ROBO2: variants seen among roughly 807,000 people sequenced by gnomAD.
ROBO2 encodes roundabout guidance receptor 2.
In ROBO2, 53 loss-of-function variants were observed where a neutral mutation model predicts 160.8. The observed-to-expected ratio is 0.33, with a 90% CI of 0.26 to 0.41. The LOEUF (loss-of-function observed/expected upper bound fraction) is 0.41. Among genes scored for constraint, ROBO2 ranks in the 10% least tolerant of loss-of-function variants. The pLI, the probability that ROBO2 is intolerant of heterozygous loss-of-function variation, is 1.00. For missense variants in ROBO2, 1,577 were observed against 1,722.4 expected, an observed-to-expected ratio of 0.92 and a Z score of 1.49; for synonymous variants, 664 against 611.7, an observed-to-expected ratio of 1.09 and a Z score of -1.26.
At chr3:76,735,786 A>ACAGGGG (rs1553886639) in intron 2 of ROBO2, among the ~76,000 whole-genome samples, 1 of 126,612 alleles carries the variant, frequency 7.9e-6, no homozygotes, top group Non-Finnish European at 1.6e-5. Context: ...GAAAAAAAAA[A>ACAGGGG]GGGGAAAGGG....
chr3:76,712,022 A>G (rs2093303628), intron 2 of ROBO2, among the ~76,000 whole-genome samples: 1 of 152,156 alleles, frequency 6.6e-6, no homozygotes, highest in Non-Finnish European at 1.5e-5. Flanking sequence ...TCCTCAATTT[A>G]CTTTTATAAT....
chr3:76,226,697 T>C (rs1207492097), intron 2 of ROBO2, among the ~76,000 whole-genome samples: 1 of 152,218 alleles, frequency 6.6e-6, no homozygotes. Context: ...ATTTCTCCTT[T>C]ACTTTTTCTT....
intron 2 of ROBO2, among the ~76,000 whole-genome samples, chr3:77,444,558 A>G (rs2080271603): frequency 6.6e-6 from 1 of 152,208 alleles, no homozygotes; most frequent in African/African-American, 2.4e-5. Flanking sequence ...AATTGAAACT[A>G]ATATTTTGCC....
intron 2 of ROBO2, among the ~76,000 whole-genome samples, chr3:76,958,035 C>T (rs547379567): frequency 1.3e-5 from 2 of 152,288 alleles, no homozygotes; most frequent in East Asian, 3.9e-4. Flanking sequence ...TGGGAACCTT[C>T]CTTCAAATGT....
At chr3:76,516,463 T>C (rs1410011219) in intron 2 of ROBO2, among the ~76,000 whole-genome samples, 1 of 152,126 alleles carries the variant, frequency 6.6e-6, no homozygotes, top group East Asian at 1.9e-4. Context: ...AGTTGTAGAT[T>C]CCCGTTTATT....
intron 2 of ROBO2, among the ~76,000 whole-genome samples, chr3:77,253,679 A>G (rs2090625806): frequency 6.6e-6 from 1 of 152,186 alleles, no homozygotes; most frequent in Admixed American, 6.5e-5. Context: ...AATGAGAAAT[A>G]CCAATAAATG....
At chr3:76,842,131 C>T (rs1314175331) in intron 2 of ROBO2, among the ~76,000 whole-genome samples, 1 of 152,064 alleles carries the variant, frequency 6.6e-6, no homozygotes, top group African/African-American at 2.4e-5. Flanking sequence ...ATCAATGACA[C>T]GATGGAAAAC....
At chr3:76,430,460 TTG>T (rs1242866906) in intron 2 of ROBO2, among the ~76,000 whole-genome samples, 3 of 151,956 alleles carry the variant, frequency 2.0e-5, no homozygotes, top group African/African-American at 7.2e-5. Flanking sequence ...TCCACAATCC[TTG>T]TGTTTTTTTA....
chr3:77,203,604 A>G (rs1363312101), intron 2 of ROBO2, among the ~76,000 whole-genome samples: 7 of 152,158 alleles, frequency 4.6e-5, no homozygotes, highest in Admixed American at 2.0e-4. Context: ...TTTTCAAGAA[A>G]CCAAATGCCA....
At chr3:76,649,964 C>G (rs1044460156) in intron 2 of ROBO2, among the ~76,000 whole-genome samples, 21 of 152,060 alleles carry the variant, frequency 1.4e-4, no homozygotes, top group Non-Finnish European at 2.5e-4. Flanking sequence ...TTATTTAAAT[C>G]GTGAATATTC....
intron 1 of ROBO2, among the ~76,000 whole-genome samples, chr3:77,059,568 G>A (rs147909118): frequency 1.3e-5 from 2 of 152,284 alleles, no homozygotes; most frequent in African/African-American, 4.8e-5. Flanking sequence ...GTTTCTGATT[G>A]TTAGTTTCTA....
At chr3:76,526,214 G>A (rs145987010) in intron 2 of ROBO2, among the ~76,000 whole-genome samples, 3 of 152,106 alleles carry the variant, frequency 2.0e-5, no homozygotes, top group Non-Finnish European at 4.4e-5. Context: ...GAAGCATAGC[G>A]GGGCCAGGGT....
intron 2 of ROBO2, among the ~76,000 whole-genome samples, chr3:76,878,106 A>G (rs994134325): frequency 1.3e-5 from 2 of 152,198 alleles, no homozygotes; most frequent in Non-Finnish European, 2.9e-5. Context: ...GTGTCGGAGT[A>G]TGATTCAGTC....
chr3:76,332,501 G>A (rs1169845640), intron 2 of ROBO2, among the ~76,000 whole-genome samples: 1 of 152,136 alleles, frequency 6.6e-6, no homozygotes, highest in Non-Finnish European at 1.5e-5. Context: ...CAAACTCGTA[G>A]ATTCAAGTTA....
At chr3:76,362,878 AAC>A (rs1193589669) in intron 2 of ROBO2, among the ~76,000 whole-genome samples, 1 of 152,034 alleles carries the variant, frequency 6.6e-6, no homozygotes, top group Non-Finnish European at 1.5e-5. Context: ...GTTCAACAGA[AAC>A]TGTTACGCCA....
At chr3:76,967,437 C>T (rs1395051026) in intron 2 of ROBO2, among the ~76,000 whole-genome samples, 1 of 149,978 alleles carries the variant, frequency 6.7e-6, no homozygotes. Context: ...GAACTCCTGG[C>T]CTCAAATGAT....
intron 2 of ROBO2, among the ~76,000 whole-genome samples, chr3:77,402,530 C>A (rs1290771780): frequency 6.6e-6 from 1 of 152,136 alleles, no homozygotes; most frequent in African/African-American, 2.4e-5. Flanking sequence ...AACCGGTGAT[C>A]AGAAACTTCT....
At chr3:76,141,182 TA>T in intron 2 of ROBO2, among the ~76,000 whole-genome samples, 2 of 110,618 alleles carry the variant, frequency 1.8e-5, no homozygotes, top group Admixed American at 1.0e-4. Flanking sequence ...TATATATATA[TA>T]TATATTTAAT....
chr3:77,572,779 G>C (rs960431044), intron 13 of ROBO2, among the ~76,000 whole-genome samples: 4 of 151,520 alleles, frequency 2.6e-5, no homozygotes, highest in African/African-American at 9.7e-5. Context: ...AATATTTTTA[G>C]CTAACATTCA....
Sources: allele counts gnomAD v4.1 joint callset (sites outside exome capture counted in the v4.1 genomes callset), GRCh38; gene constraint gnomAD v4.1.1; transcripts MANE v1.5; gene names NCBI Gene and HGNC (gene_info 2026-07-23, HGNC 2026-07-21).